Variants in ZNF493 observed in about 807,000 individuals in gnomAD.
ZNF493 encodes the protein zinc finger protein 493.
ZNF493 carries 11 observed loss-of-function variants against 12.2 expected under a neutral mutation model. The observed-to-expected ratio is 0.90, with a 90% CI of 0.57 to 1.50. The LOEUF (loss-of-function observed/expected upper bound fraction) is 1.50. Among genes scored for constraint, ZNF493 ranks in the 40% most tolerant of loss-of-function variants. The pLI, the probability that ZNF493 is intolerant of heterozygous loss-of-function variation, is 0.00. For synonymous variants in ZNF493, 286 were observed against 302.6 expected, an observed-to-expected ratio of 0.95 and a Z score of 0.57; for missense variants, 950 against 906.6, an observed-to-expected ratio of 1.05 and a Z score of -0.61.
intron 3 of ZNF493, among the ~76,000 whole-genome samples, chr19:21,418,133 T>G (rs1285588965): frequency 1.3e-5 from 2 of 152,184 alleles, no homozygotes; most frequent in Non-Finnish European, 2.9e-5. Flanking sequence ...CTGGGGCAAC[T>G]ACTTTTCACC....
rs370283815 is a variant in ZNF493, at chr19:21,411,168, T to A, written c.253+5312T>A. ...TGTAACTGTATTTCATCAGTGTTGA[T>A]GTTTTTAACATTATTTTTTGAGAAA... is the stretch of plus-strand genomic sequence containing the variant. On this transcript the variant is annotated intron_variant, in intron 3 of 3. Transcript: ENST00000392288. 9.2e-5 allele frequency among the ~76,000 whole-genome samples: 14 copies of A among 152,306 alleles called. No individual in the cohort carries two copies. In the East Asian group the frequency reaches 2.3e-3, roughly 25 times the overall value.
At chr19:21,420,811 G>A (rs1178200883) in intron 3 of ZNF493, among the ~76,000 whole-genome samples, 2 of 145,820 alleles carry the variant, frequency 1.4e-5, no homozygotes, top group Non-Finnish European at 3.0e-5. Context: ...AAGTGCAATG[G>A]TGTGATCTCA....
intron 1 of ZNF493, among the ~76,000 whole-genome samples, chr19:21,401,331 T>A (rs527857398): frequency 2.0e-5 from 3 of 152,308 alleles, no homozygotes; most frequent in African/African-American, 7.2e-5. Context: ...AGCTTTTTGA[T>A]GTTCTCCTGG....
Position 21,422,956 on chromosome 19 carries a change from C to T in ZNF493, c.297C>T (p.Gly99=). Residue 99 remains glycine (G), a synonymous_variant, in exon 4 of 4, where the codon GGC becomes GGT. Coordinates refer to ENST00000392288, the MANE Select transcript of ZNF493 (RefSeq NM_001076678.3). ...HFAEDFCPGP[G]IKDSFQKVIL... ...CTGAAGACTTTTGCCCAGGGCCAGG[C>T]ATTAAAGATTCTTTTCAAAAAGTGA... 6.3e-7 allele frequency: 1 copy of T among 1,591,640 alleles called. No individual in the cohort carries two copies. The highest frequency in any genetic ancestry group is 1.2e-5 in the South Asian group (1 of 86,112).
intron 3 of ZNF493, among the ~76,000 whole-genome samples, chr19:21,416,290 T>C (rs1249605648): frequency 6.6e-6 from 1 of 152,132 alleles, no homozygotes; most frequent in African/African-American, 2.4e-5. Context: ...ATTTCATGCA[T>C]TGTATGTTCT....
At position 21,401,811 on chromosome 19, in the gene ZNF493, G is replaced by C. The variant is rs572031281; in HGVS notation, c.31-3318G>C. ...AGCTAATTTTTGTATTTTTAGTAGAGATGGGGTTTCACCATGTTGGCCAGG... is the reference window on the plus strand; with the variant it reads ...AGCTAATTTTTGTATTTTTAGTAGACATGGGGTTTCACCATGTTGGCCAGG... On this transcript the variant is annotated intron_variant, in intron 1 of 3. Transcript: ENST00000392288. Among the ~76,000 whole-genome samples the C allele has an allele frequency of 4.5e-4, 69 of 152,014 alleles. No homozygotes were observed. The South Asian group carries it at 0.014, about 32-fold the overall frequency.
chr19:21,420,430 G>T (rs1264345950), intron 3 of ZNF493, among the ~76,000 whole-genome samples: 1 of 150,228 alleles, frequency 6.7e-6, no homozygotes, highest in Non-Finnish European at 1.5e-5. Context: ...ATTATATGTT[G>T]TTTTGTTGAG....
intron 3 of ZNF493, among the ~76,000 whole-genome samples, chr19:21,421,855 T>C (rs2030689127): frequency 6.6e-6 from 1 of 151,416 alleles, no homozygotes; most frequent in Admixed American, 6.6e-5. Flanking sequence ...ATTATTCATC[T>C]TTTTTTTTGG....
intron 3 of ZNF493, among the ~76,000 whole-genome samples, chr19:21,406,356 T>G (rs1423949204): frequency 6.6e-6 from 1 of 152,092 alleles, no homozygotes; most frequent in East Asian, 1.9e-4. Flanking sequence ...GTTTTTTTTT[T>G]GTTGTTCTTT....
chr19:21,401,947 C>CTTAT (rs1188675269), intron 1 of ZNF493, among the ~76,000 whole-genome samples: 1 of 148,988 alleles, frequency 6.7e-6, no homozygotes, highest in East Asian at 2.0e-4. Flanking sequence ...TATTTATCTA[C>CTTAT]TTATTTATTT....
intron 3 of ZNF493, among the ~76,000 whole-genome samples, chr19:21,416,637 T>A (rs2030503180): frequency 6.6e-6 from 1 of 152,216 alleles, no homozygotes; most frequent in South Asian, 2.1e-4. Flanking sequence ...TGATTTGATT[T>A]ACCCAATAAG....
Position 21,424,939 on chromosome 19 carries a change from G to T in ZNF493, c.2280G>T (p.Lys760Asn), listed in dbSNP as rs760934890. ...GGTCTTCACATCTTAGTAGACATAA[G>T]ATAATTCATATTGGAATTCATACTG... is the stretch of plus-strand genomic sequence containing the variant. ...FRRSSHLSRHKIIHIGIHTEE... is the reference protein window; with the variant it reads ...FRRSSHLSRHNIIHIGIHTEE... The change falls in exon 4 of 4, where the codon AAG (lysine) becomes AAT (asparagine). Residue 760 changes from lysine to asparagine, a missense_variant. Coordinates refer to ENST00000392288, the MANE Select transcript of ZNF493 (RefSeq NM_001076678.3). The T allele has an allele frequency of 6.2e-7, 1 of 1,604,286 alleles. No homozygotes were observed. Among genetic ancestry groups the T allele is most frequent in the Admixed American group, 1.7e-5 (1 of 58,168 alleles).
At chr19:21,409,233 T>G (rs1206404309) in intron 3 of ZNF493, among the ~76,000 whole-genome samples, 1 of 152,168 alleles carries the variant, frequency 6.6e-6, no homozygotes, top group Non-Finnish European at 1.5e-5. Context: ...TTTTATCTTG[T>G]CTAAATGTGT....
chr19:21,400,386 G>A (rs1208119998), intron 1 of ZNF493, among the ~76,000 whole-genome samples: 2 of 151,978 alleles, frequency 1.3e-5, no homozygotes, highest in Non-Finnish European at 2.9e-5. Flanking sequence ...CTCTGGCCTG[G>A]TGACAGAGAG....
chr19:21,420,871 C>G (rs1202589974), intron 3 of ZNF493, among the ~76,000 whole-genome samples: 2 of 150,444 alleles, frequency 1.3e-5, no homozygotes, highest in African/African-American at 4.9e-5. Context: ...CCTGCCTCAG[C>G]CCCCCGAGTG....
intron 3 of ZNF493, chr19:21,413,753 G>T (rs2030398640): frequency 6.5e-6 from 2 of 306,356 alleles, no homozygotes; most frequent in African/African-American, 4.3e-5. Flanking sequence ...TTTTGTTATT[G>T]GATCTCTCCA....
Position 21,423,546 on chromosome 19 carries a change from A to C in ZNF493, c.887A>C (p.Glu296Ala). ...ACTAGAGAGAAACCCTATAAATGTG[A>C]ACAATATGGCAAAACTTTTAACCAA... is the stretch of plus-strand genomic sequence containing the variant. ...IHTREKPYKC[E>A]QYGKTFNQSS... The change falls in exon 4 of 4, where the codon GAA (glutamate) becomes GCA (alanine). Residue 296 changes from glutamate to alanine, a missense_variant. Transcript: ENST00000392288. The C allele has an allele frequency of 6.2e-7, 1 of 1,613,840 alleles. No homozygotes were observed. The highest frequency in any genetic ancestry group is 8.5e-7 in the Non-Finnish European group (1 of 1,179,860).
chr19:21,410,912 C>G (rs531311673), intron 3 of ZNF493, among the ~76,000 whole-genome samples: 1 of 152,210 alleles, frequency 6.6e-6, no homozygotes, highest in East Asian at 1.9e-4. Flanking sequence ...CCTCCCTCAG[C>G]CTCCCAAGTA....
In ZNF493 at chr19:21,405,114, G is replaced by GTT. The variant is rs2030074019; in HGVS notation, c.31-14_31-13insTT. 6.2e-7 allele frequency: 1 copy of GTT among 1,601,664 alleles called. No individual in the cohort carries two copies. The highest frequency in any genetic ancestry group is 1.3e-5 in the African/African-American group (1 of 74,156). ...TGTGTGTGTGTGTGTGTGTGTTTGT[G>GTT]TGTGTTTGTTTCAGGGGCCGTTGAC... On this transcript the variant is annotated splice_polypyrimidine_tract_variant and intron_variant, in intron 1 of 3. Coordinates refer to ENST00000392288, the MANE Select transcript of ZNF493 (RefSeq NM_001076678.3).
Sources: allele counts gnomAD v4.1 joint callset (sites outside exome capture counted in the v4.1 genomes callset), GRCh38; gene constraint gnomAD v4.1.1; transcripts MANE v1.5; gene names NCBI Gene and HGNC (gene_info 2026-07-23, HGNC 2026-07-21).